Variants in STK39 observed in about 807,000 individuals in gnomAD.
The protein encoded by STK39 is serine/threonine kinase 39.
In STK39, 20 loss-of-function variants were observed where a neutral mutation model predicts 77.8. The observed-to-expected ratio is 0.26, with a 90% CI of 0.18 to 0.37. STK39 has a LOEUF of 0.37. Among genes scored for constraint, STK39 ranks in the 10% least tolerant of loss-of-function variants. The pLI is 1.00. For synonymous variants in STK39, 246 were observed against 234.1 expected (o/e 1.05, Z -0.47); for missense variants, 479 against 656.5 (o/e 0.73, Z 2.95).
intron 16 of STK39, among the ~76,000 whole-genome samples, chr2:168,000,319 T>C (rs981417526): frequency 1.3e-5 from 2 of 152,226 alleles, no homozygotes; most frequent in Non-Finnish European, 2.9e-5. Flanking sequence ...TCATTCCTTG[T>C]CTAATAAAAA....
intron 10 of STK39, among the ~76,000 whole-genome samples, chr2:168,125,755 C>A (rs1687524077): frequency 6.6e-6 from 1 of 152,208 alleles, no homozygotes; most frequent in South Asian, 2.1e-4. Context: ...ACCAAAGAGG[C>A]CATGTCGATC....
chr2:168,126,258 T>C (rs1687539248), intron 10 of STK39, among the ~76,000 whole-genome samples: 1 of 151,892 alleles, frequency 6.6e-6, no homozygotes, highest in South Asian at 2.1e-4. Context: ...GAGCAATCTA[T>C]ACCACAGAAG....
At chr2:168,119,451 G>A (rs2105485833) in intron 10 of STK39, among the ~76,000 whole-genome samples, 1 of 152,306 alleles carries the variant, frequency 6.6e-6, no homozygotes, top group African/African-American at 2.4e-5. Context: ...AATGCAAATG[G>A]TAGATTGCTT....
chr2:167,990,980 C>G (rs940844966), intron 16 of STK39, among the ~76,000 whole-genome samples: 1 of 152,182 alleles, frequency 6.6e-6, no homozygotes, highest in African/African-American at 2.4e-5. Context: ...CACTAGGAAC[C>G]TGGACTTCAA....
intron 12 of STK39, among the ~76,000 whole-genome samples, chr2:168,072,706 AATAG>A (rs1213524090): frequency 2.0e-5 from 3 of 152,214 alleles, no homozygotes; most frequent in Non-Finnish European, 4.4e-5. Flanking sequence ...TTTCCTTTAT[AATAG>A]ATAAATAAAA....
At chr2:168,035,291 C>G (rs1559066914) in intron 14 of STK39, among the ~76,000 whole-genome samples, 1 of 152,138 alleles carries the variant, frequency 6.6e-6, no homozygotes, top group East Asian at 1.9e-4. Context: ...AACATGCTTG[C>G]TTACAAGTTC....
intron 10 of STK39, among the ~76,000 whole-genome samples, chr2:168,122,402 A>G (rs1192310958): frequency 6.6e-6 from 1 of 152,112 alleles, no homozygotes; most frequent in African/African-American, 2.4e-5. Context: ...TCCATAGTGT[A>G]TATGTACCAC....
intron 16 of STK39, among the ~76,000 whole-genome samples, chr2:168,002,479 G>A (rs1351604076): frequency 6.6e-6 from 1 of 152,212 alleles, no homozygotes; most frequent in Non-Finnish European, 1.5e-5. Flanking sequence ...TTCTATGTTA[G>A]AATCTGCAGA....
At chr2:168,220,889 A>C (rs1373985525) in intron 1 of STK39, among the ~76,000 whole-genome samples, 2 of 152,170 alleles carry the variant, frequency 1.3e-5, no homozygotes, top group East Asian at 3.8e-4. Flanking sequence ...CATTTTTTTA[A>C]AAGTGAGTCA....
chr2:167,979,514 T>C (rs1683362832), intron 16 of STK39, among the ~76,000 whole-genome samples: 1 of 152,242 alleles, frequency 6.6e-6, no homozygotes. Context: ...TAAATACAAG[T>C]ATGGTTTTGC....
At chr2:168,017,186 CAT>C (rs1338858460) in intron 14 of STK39, 91 bp from the exon 15 acceptor site, 4 of 788,132 alleles carry the variant, frequency 5.1e-6, no homozygotes, top group East Asian at 2.8e-5. Flanking sequence ...ATGCTACTAA[CAT>C]GTGGATAACA....
Position 167,955,463 on chromosome 2 carries a change from A to C in STK39, c.*33T>G, listed in dbSNP as rs1338304584. The C allele has an allele frequency of 6.2e-7, 1 of 1,607,772 alleles. No homozygotes were observed. Among genetic ancestry groups the C allele is most frequent in the South Asian group, 1.1e-5 (1 of 90,672 alleles). On this transcript the variant is annotated 3_prime_UTR_variant, in exon 18 of 18. Transcript: ENST00000355999. ...AAGGGAGTAGGGGTGGCGGTGGGGC[A>C]TGACAGATCAGGGTGACATCAAGGG...
chr2:168,179,796 GC>G (rs1411808529), intron 2 of STK39, among the ~76,000 whole-genome samples: 1 of 152,058 alleles, frequency 6.6e-6, no homozygotes, highest in Non-Finnish European at 1.5e-5. Flanking sequence ...AGAATGACCA[GC>G]CTCCCTGCTG....
chr2:168,002,757 C>T (rs968284705), intron 16 of STK39, among the ~76,000 whole-genome samples: 3 of 152,114 alleles, frequency 2.0e-5, no homozygotes, highest in African/African-American at 7.2e-5. Context: ...TAAATAACTT[C>T]AAAAAATATA....
At chr2:168,155,955 G>C (rs1273992803) in intron 5 of STK39, among the ~76,000 whole-genome samples, 1 of 152,120 alleles carries the variant, frequency 6.6e-6, no homozygotes, top group African/African-American at 2.4e-5. Context: ...CAAAGTTCAG[G>C]AACACCTGCC....
chr2:168,066,738 G>A (rs1685804978), intron 12 of STK39, among the ~76,000 whole-genome samples: 1 of 152,212 alleles, frequency 6.6e-6, no homozygotes, highest in Admixed American at 6.5e-5. Context: ...GCGGGGGGCT[G>A]GAACCCCACA....
intron 5 of STK39, among the ~76,000 whole-genome samples, chr2:168,159,189 A>ATC (rs1263826968): frequency 6.6e-6 from 1 of 152,218 alleles, no homozygotes; most frequent in Non-Finnish European, 1.5e-5. Flanking sequence ...ATAAATGCAA[A>ATC]CTTAACTTCT....
intron 10 of STK39, among the ~76,000 whole-genome samples, chr2:168,087,924 C>A (rs1686410296): frequency 6.6e-6 from 1 of 152,102 alleles, no homozygotes; most frequent in Non-Finnish European, 1.5e-5. Context: ...TCTTACCTTA[C>A]AAAGACACCT....
chr2:168,199,808 T>C (rs757256498), intron 1 of STK39, among the ~76,000 whole-genome samples: 26 of 143,890 alleles, frequency 1.8e-4, no homozygotes, highest in Non-Finnish European at 3.1e-4. Flanking sequence ...CCACCGTGCC[T>C]GGCCATATTT....
Sources: allele counts gnomAD v4.1 joint callset (sites outside exome capture counted in the v4.1 genomes callset), GRCh38; gene constraint gnomAD v4.1.1; transcripts MANE v1.5; gene names NCBI Gene and HGNC (gene_info 2026-07-23, HGNC 2026-07-21).